The following ZNF438 variants were observed in gnomAD, a reference collection of about 807,000 sequenced individuals.
ZNF438 encodes the protein zinc finger protein 438.
ZNF438 carries 25 observed loss-of-function variants against 38.0 expected under a neutral mutation model. The ratio of observed to expected loss-of-function variants is 0.66; its 90% CI spans 0.48 to 0.92. The LOEUF is 0.92. ZNF438 is among the 40% of genes least tolerant of loss of function. The pLI, the probability that ZNF438 is intolerant of heterozygous loss-of-function variation, is 0.00. For missense variants in ZNF438, 1,007 were observed against 999.6 expected (o/e 1.01, Z -0.10); for synonymous variants, 372 against 364.1 (o/e 1.02, Z -0.25).
At chr10:31,032,315 C>T (rs1310539616), upstream of ZNF438, among the ~76,000 whole-genome samples, 1 of 152,222 alleles carries the variant, frequency 6.6e-6, no homozygotes, top group African/African-American at 2.4e-5. Context: ...ATTTGCTCTC[C>T]ATCAGGTGCT....
chr10:30,879,620 G>C (rs1372753295), intron 3 of ZNF438, among the ~76,000 whole-genome samples: 1 of 152,018 alleles, frequency 6.6e-6, no homozygotes, highest in East Asian at 1.9e-4. Context: ...AGGTAGAAAA[G>C]ACATGAAAAA....
chr10:30,953,342 T>G (rs2048450584), intron 1 of ZNF438, among the ~76,000 whole-genome samples: 1 of 152,076 alleles, frequency 6.6e-6, no homozygotes, highest in Non-Finnish European at 1.5e-5. Flanking sequence ...GCGTGGCACA[T>G]GTATACATAT....
intron 4 of ZNF438, among the ~76,000 whole-genome samples, chr10:30,874,118 AT>A (rs1793402175): frequency 2.7e-4 from 1 of 3,740 alleles, no homozygotes; most frequent in South Asian, 5.3e-3. Flanking sequence ...GTGTGTGTAT[AT>A]ATATATATAT....
At chr10:30,976,472 T>G (rs1388209079) in intron 1 of ZNF438, among the ~76,000 whole-genome samples, 1 of 152,198 alleles carries the variant, frequency 6.6e-6, no homozygotes, top group Non-Finnish European at 1.5e-5. Context: ...CTGGGTGCAG[T>G]GGCACACACC....
chr10:31,032,224 G>A (rs2057337816), upstream of ZNF438, among the ~76,000 whole-genome samples: 1 of 152,230 alleles, frequency 6.6e-6, no homozygotes, highest in African/African-American at 2.4e-5. Flanking sequence ...TAAGACGCCT[G>A]GGTTGTGAGG....
At chr10:30,848,400 T>C in intron 5 of ZNF438, 131 bp downstream of exon 6, 1 of 1,065,288 alleles carries the variant, frequency 9.4e-7, no homozygotes, top group Non-Finnish European at 1.3e-6. Context: ...CTAGGAGGTA[T>C]ACATAGCTAC....
chr10:30,968,853 AC>A (rs1330850317), intron 1 of ZNF438, among the ~76,000 whole-genome samples: 2 of 152,080 alleles, frequency 1.3e-5, no homozygotes, highest in Non-Finnish European at 2.9e-5. Context: ...ACCTTTAGAG[AC>A]CCGTGGTTGG....
chr10:30,932,161 C>T (rs1241991622), intron 2 of ZNF438, among the ~76,000 whole-genome samples: 3 of 152,020 alleles, frequency 2.0e-5, no homozygotes, highest in African/African-American at 7.2e-5. Flanking sequence ...ATATAGGGGC[C>T]AGGCAGGTAA....
At chr10:30,865,225 C>A (rs1234483539) in intron 4 of ZNF438, among the ~76,000 whole-genome samples, 1 of 152,206 alleles carries the variant, frequency 6.6e-6, no homozygotes, top group African/African-American at 2.4e-5. Context: ...ACATGTCTTT[C>A]TTCTAAGAGA....
intron 3 of ZNF438, among the ~76,000 whole-genome samples, chr10:30,881,760 A>G (rs375508963): frequency 1.3e-5 from 2 of 152,232 alleles, no homozygotes; most frequent in African/African-American, 4.8e-5. Context: ...AACAAAATAG[A>G]GAGTCCATAA....
chr10:30,999,328 T>C (rs990270083), intron 1 of ZNF438: 2 of 151,994 alleles, frequency 1.3e-5, no homozygotes, highest in Admixed American at 6.5e-5. Context: ...CCCAGAGGAG[T>C]GGGCCTCACC....
rs537380069 is a variant in ZNF438, at chr10:30,976,148, A to C, written c.-191-34497T>G. Among the ~76,000 whole-genome samples the C allele has an allele frequency of 2.6e-5, 4 of 152,322 alleles. No homozygotes were observed. In the South Asian group the frequency reaches 6.2e-4, roughly 24 times the overall value. On this transcript the variant is annotated intron_variant, in intron 1 of 5. Coordinates refer to ENST00000413025, the Ensembl canonical transcript of ZNF438. ...CAAATTAAACATAAAACTTTAAATC[A>C]AAACAGCAAAAAATCCAAAACACAA...
At chr10:30,849,410 G>C in exon 5 of ZNF438, 1 of 1,614,230 alleles carries the variant, frequency 6.2e-7, no homozygotes, top group Non-Finnish European at 8.5e-7. Context: ...GCCTTCTGTG[G>C]TGGAGGGTAT....
chr10:30,854,263 G>A (rs943466604), intron 4 of ZNF438, among the ~76,000 whole-genome samples: 4 of 152,176 alleles, frequency 2.6e-5, no homozygotes, highest in South Asian at 4.1e-4. Context: ...GCAGTGAGCC[G>A]AAATAGCGCC....
chr10:30,915,219 CT>C (rs2043484067), intron 2 of ZNF438, among the ~76,000 whole-genome samples: 1 of 151,958 alleles, frequency 6.6e-6, no homozygotes, highest in Non-Finnish European at 1.5e-5. Context: ...ATAAATCATA[CT>C]ATTAAATGTC....
intron 3 of ZNF438, among the ~76,000 whole-genome samples, chr10:30,905,004 C>CT (rs2042432307): frequency 6.6e-6 from 1 of 152,126 alleles, no homozygotes; most frequent in South Asian, 2.1e-4. Flanking sequence ...GTTCACACCC[C>CT]TTTGTGTTCA....
intron 2 of ZNF438, among the ~76,000 whole-genome samples, chr10:30,931,547 A>C (rs2135299375): frequency 6.6e-6 from 1 of 152,316 alleles, no homozygotes; most frequent in East Asian, 1.9e-4. Context: ...ATAAAATCGC[A>C]AATCAGAAAT....
exon 5 of ZNF438, chr10:30,849,202 C>T (rs573915409): frequency 6.2e-7 from 1 of 1,614,004 alleles, no homozygotes; most frequent in African/African-American, 1.3e-5. Context: ...TGATATATTT[C>T]CTCCTTTTTC....
intron 1 of ZNF438, among the ~76,000 whole-genome samples, chr10:30,980,500 CTT>C (rs960245056): frequency 3.3e-5 from 5 of 152,162 alleles, no homozygotes; most frequent in African/African-American, 1.2e-4. Context: ...TCACACATGA[CTT>C]TGAGTTTTTG....
Sources: gnomAD v4.1 joint callset for allele counts (sites outside exome capture counted in the v4.1 genomes callset) on GRCh38, gnomAD v4.1.1 for gene constraint, MANE v1.5 for transcripts, NCBI Gene and HGNC (gene_info 2026-07-23, HGNC 2026-07-21) for gene names.